Variants in LYPD6B observed in about 807,000 individuals in gnomAD.
LYPD6B encodes the protein ly6/PLAUR domain-containing protein 6B.
Under a neutral mutation model 22.8 loss-of-function variants are expected in LYPD6B, and 17 were observed. The observed-to-expected ratio is 0.75, with a 90% CI of 0.51 to 1.12. LYPD6B has a LOEUF of 1.12. Ranked by LOEUF, LYPD6B falls within the 50% of genes most tolerant of loss-of-function variation. The pLI is 0.00. For synonymous variants in LYPD6B, 106 were observed against 91.6 expected, an observed-to-expected ratio of 1.16 and a Z score of -0.90; for missense variants, 221 against 258.3, an observed-to-expected ratio of 0.86 and a Z score of 0.99.
chr2:149,125,637 A>G (rs1285824243), intron 1 of LYPD6B, among the ~76,000 whole-genome samples: 2 of 152,184 alleles, frequency 1.3e-5, no homozygotes, highest in East Asian at 3.9e-4. Flanking sequence ...CCCCATTTCC[A>G]AAGAACTCAG....
rs1011957151 is a variant in LYPD6B at position 149,187,606 on chromosome 2, G to A, written c.78-17647G>A. 49 of 1,239,098 alleles carry A rather than the reference G, an allele frequency of 4.0e-5. No homozygotes were observed. In the African/African-American group the frequency reaches 6.9e-4, roughly 17 times the overall value. 76.8% of individuals were successfully genotyped at this position (1,239,098 alleles called of 1,614,324 possible). A position where few individuals can be genotyped will look rare whatever the true frequency, so the allele number is the denominator to read the frequency against. ...TAGGTGCCCCGTAAATATTGGTTGA[G>A]TAACTGAATAAACGTATTTAGTAAC... On this transcript the variant is annotated intron_variant, in intron 3 of 6. Transcript: ENST00000409642.
intron 1 of LYPD6B, among the ~76,000 whole-genome samples, chr2:149,110,829 C>G (rs1452609814): frequency 6.6e-6 from 1 of 152,028 alleles, no homozygotes; most frequent in African/African-American, 2.4e-5. Context: ...AGTTCTGTAT[C>G]AGGTAGTAAT....
At chr2:149,088,614 A>C (rs1685508223) in intron 1 of LYPD6B, among the ~76,000 whole-genome samples, 1 of 152,172 alleles carries the variant, frequency 6.6e-6, no homozygotes, top group South Asian at 2.1e-4. Flanking sequence ...GTACACAATA[A>C]TTTCTGCACA....
intron 1 of LYPD6B, among the ~76,000 whole-genome samples, chr2:149,113,429 A>G (rs1686855895): frequency 6.6e-6 from 1 of 152,214 alleles, no homozygotes; most frequent in South Asian, 2.1e-4. Context: ...TTTCAGATGT[A>G]AAATTCTGAG....
intron 2 of LYPD6B, among the ~76,000 whole-genome samples, chr2:149,142,889 T>A (rs1688779935): frequency 1.3e-5 from 2 of 152,216 alleles, no homozygotes; most frequent in South Asian, 4.1e-4. Flanking sequence ...TTGTATTCTT[T>A]AGGGAGTAAC....
intron 3 of LYPD6B, among the ~76,000 whole-genome samples, chr2:149,163,641 G>C (rs1690233850): frequency 1.3e-5 from 2 of 152,070 alleles, no homozygotes; most frequent in Non-Finnish European, 2.9e-5. Context: ...TATAAAGTTG[G>C]GTATCAGTTC....
intron 1 of LYPD6B, among the ~76,000 whole-genome samples, chr2:149,129,384 G>A (rs1298360109): frequency 1.3e-5 from 2 of 152,124 alleles, no homozygotes; most frequent in African/African-American, 4.8e-5. Context: ...AAAACACTTT[G>A]GACAAATGCC....
chr2:149,187,587 C>T, intron 3 of LYPD6B: 1 of 1,356,540 alleles, frequency 7.4e-7, no homozygotes, highest in Non-Finnish European at 9.6e-7. Context: ...ATTGTAGGTG[C>T]CCCGTAAATA....
At chr2:149,085,372 G>T (rs530204468) in intron 1 of LYPD6B, among the ~76,000 whole-genome samples, 1 of 152,352 alleles carries the variant, frequency 6.6e-6, no homozygotes, top group Admixed American at 6.5e-5. Context: ...TGCGTTGGTG[G>T]CAATGCCCTT....
At chr2:149,092,698 C>G (rs1685712911) in intron 1 of LYPD6B, among the ~76,000 whole-genome samples, 1 of 152,118 alleles carries the variant, frequency 6.6e-6, no homozygotes, top group East Asian at 1.9e-4. Context: ...AAAAAACAAG[C>G]CCTTTGTCTT....
At chr2:149,043,945 T>G (rs1558964519) in intron 1 of LYPD6B, among the ~76,000 whole-genome samples, 1 of 152,102 alleles carries the variant, frequency 6.6e-6, no homozygotes, top group African/African-American at 2.4e-5. Context: ...AGCTAAAATG[T>G]AAGGGTTTAT....
chr2:149,160,090 A>G (rs997443960), intron 2 of LYPD6B, among the ~76,000 whole-genome samples: 11 of 152,098 alleles, frequency 7.2e-5, no homozygotes, highest in Admixed American at 3.3e-4. Context: ...AGAATTTGAG[A>G]CTACAGTGAG....
intron 3 of LYPD6B, among the ~76,000 whole-genome samples, chr2:149,164,625 G>A (rs1449698831): frequency 2.0e-5 from 3 of 152,176 alleles, no homozygotes; most frequent in Admixed American, 6.5e-5. Flanking sequence ...GTATTCCCAC[G>A]ATATCCCTCT....
intron 2 of LYPD6B, among the ~76,000 whole-genome samples, chr2:149,147,906 C>CTGTGTGTGTGTGTGTGTGTGTGTG (rs61441741): frequency 4.8e-4 from 67 of 139,108 alleles, no homozygotes; most frequent in Non-Finnish European, 5.7e-4. Context: ...GCACATGGGC[C>CTGTGTGTGTGTGTGTGTGTGTGTG]TGTGTGTGTG....
chr2:149,149,796 C>T (rs919750867), intron 2 of LYPD6B, among the ~76,000 whole-genome samples: 4 of 152,198 alleles, frequency 2.6e-5, no homozygotes, highest in Non-Finnish European at 4.4e-5. Flanking sequence ...CAATCCTTCC[C>T]CTTTCTTTAT....
chr2:149,060,790 G>A (rs1684041068), intron 1 of LYPD6B, among the ~76,000 whole-genome samples: 1 of 152,140 alleles, frequency 6.6e-6, no homozygotes, highest in African/African-American at 2.4e-5. Context: ...CAAAAGGGTA[G>A]GAGCACAGGG....
intron 1 of LYPD6B, among the ~76,000 whole-genome samples, chr2:149,050,383 A>G (rs1032193426): frequency 6.6e-6 from 1 of 152,208 alleles, no homozygotes; most frequent in Non-Finnish European, 1.5e-5. Flanking sequence ...ATTCTTGCTC[A>G]TTGTGAAACC....
intron 1 of LYPD6B, among the ~76,000 whole-genome samples, chr2:149,059,210 T>C (rs530536591): frequency 6.6e-6 from 1 of 152,352 alleles, no homozygotes; most frequent in South Asian, 2.1e-4. Flanking sequence ...CGACCCCATA[T>C]CAAGTCCCTA....
chr2:149,198,624 T>A (rs1472630121), intron 3 of LYPD6B, among the ~76,000 whole-genome samples: 1 of 152,240 alleles, frequency 6.6e-6, no homozygotes, highest in Non-Finnish European at 1.5e-5. Flanking sequence ...TATTTTAACA[T>A]CAGTGCTGCT....
Sources: allele counts gnomAD v4.1 joint callset (sites outside exome capture counted in the v4.1 genomes callset), GRCh38; gene constraint gnomAD v4.1.1; transcripts MANE v1.5; gene names NCBI Gene and HGNC (gene_info 2026-07-23, HGNC 2026-07-21).